Variants in EYS observed in about 807,000 individuals in gnomAD.
The protein encoded by EYS is protein eyes shut homolog.
EYS carries 250 observed loss-of-function variants against 282.1 expected under a neutral mutation model. The ratio of observed to expected loss-of-function variants is 0.89; its 90% CI spans 0.80 to 0.98. EYS has a LOEUF of 0.98. Among genes scored for constraint, EYS ranks in the 50% least tolerant of loss-of-function variants. The pLI, the probability that EYS is intolerant of heterozygous loss-of-function variation, is 0.00. For missense variants in EYS, 4,016 were observed against 3,709.0 expected, an observed-to-expected ratio of 1.08 and a Z score of -2.15; for synonymous variants, 1,355 against 1,282.9, an observed-to-expected ratio of 1.06 and a Z score of -1.20.
chr6:65,502,113 T>G (rs1766474477), intron 2 of EYS, among the ~76,000 whole-genome samples: 1 of 151,774 alleles, frequency 6.6e-6, no homozygotes, highest in African/African-American at 2.4e-5. Context: ...GACCTGTCAT[T>G]GAAATTAAGA....
chr6:64,385,074 GC>G (rs1173616069), intron 29 of EYS, among the ~76,000 whole-genome samples: 1 of 152,158 alleles, frequency 6.6e-6, no homozygotes, highest in African/African-American at 2.4e-5. Context: ...AGCACTAACA[GC>G]CTACTGTGCT....
intron 5 of EYS, among the ~76,000 whole-genome samples, chr6:65,426,190 G>T (rs1341004985): frequency 6.6e-6 from 1 of 151,914 alleles, no homozygotes; most frequent in African/African-American, 2.4e-5. Context: ...CGTTGCTTAG[G>T]CTGGTTTCAA....
At chr6:65,666,347 C>A (rs1768200189) in intron 1 of EYS, among the ~76,000 whole-genome samples, 1 of 151,718 alleles carries the variant, frequency 6.6e-6, no homozygotes, top group African/African-American at 2.4e-5. Context: ...GACTTTGGAG[C>A]CAGAATAATC....
In EYS at chr6:64,147,683, C is replaced by G. The variant is rs529516727; in HGVS notation, c.6425-65681G>C. ...CCACTTTACCAGTCATGTGACTGATCTTGGCAATAAAATGTGGGCTGCAAT... is the reference window on the plus strand; with the variant it reads ...CCACTTTACCAGTCATGTGACTGATGTTGGCAATAAAATGTGGGCTGCAAT... On this transcript the variant is annotated intron_variant, in intron 31 of 42. Coordinates refer to ENST00000503581, the MANE Select transcript of EYS (RefSeq NM_001142800.2). Among the ~76,000 whole-genome samples, 122 of 152,276 alleles carry G rather than the reference C, an allele frequency of 8.0e-4. 1 individual carries two copies. In the South Asian group the frequency reaches 0.025, roughly 31 times the overall value.
intron 5 of EYS, among the ~76,000 whole-genome samples, chr6:65,443,284 A>G (rs1195449773): frequency 1.4e-5 from 2 of 147,986 alleles, no homozygotes; most frequent in Admixed American, 6.9e-5. Flanking sequence ...ACATGTATGC[A>G]TGCATATATG....
chr6:64,443,356 A>G (rs1775012216), intron 26 of EYS, among the ~76,000 whole-genome samples: 1 of 152,142 alleles, frequency 6.6e-6, no homozygotes, highest in African/African-American at 2.4e-5. Flanking sequence ...ACAGGCTCAT[A>G]GTGGGGAGGG....
chr6:64,456,037 G>A (rs971768111), intron 26 of EYS, among the ~76,000 whole-genome samples: 3 of 152,070 alleles, frequency 2.0e-5, no homozygotes, highest in African/African-American at 7.2e-5. Context: ...TTGCATCTAT[G>A]TTGATGATTG....
rs563711161 is a variant in EYS, at chr6:65,036,695, C to A, written c.2137+20919G>T. Reference sequence around the variant, plus strand: ...TTGTCAGAAGGTGACATACACATGACTAAATCTATAAAAAAAAGTTCATCA... The same window carrying A: ...TTGTCAGAAGGTGACATACACATGAATAAATCTATAAAAAAAAGTTCATCA... On this transcript the variant is annotated intron_variant, in intron 13 of 42. Transcript: ENST00000503581. Among the ~76,000 whole-genome samples, 4 of 151,130 alleles carry A rather than the reference C, an allele frequency of 2.6e-5. No homozygotes were observed. In the South Asian group the frequency reaches 8.3e-4, roughly 31 times the overall value.
chr6:64,427,370 G>T (rs981167329), intron 28 of EYS, among the ~76,000 whole-genome samples: 6 of 152,080 alleles, frequency 3.9e-5, no homozygotes, highest in African/African-American at 1.4e-4. Flanking sequence ...CTTGGGGAGA[G>T]ACTGATGTAT....
intron 30 of EYS, among the ~76,000 whole-genome samples, chr6:64,243,174 A>T (rs1173636652): frequency 1.8e-4 from 27 of 151,808 alleles, no homozygotes; most frequent in Non-Finnish European, 4.4e-5. Flanking sequence ...CCTCCTCCAA[A>T]CCCAATACAC....
chr6:64,182,551 T>A (rs1387348192), intron 31 of EYS, among the ~76,000 whole-genome samples: 2 of 151,972 alleles, frequency 1.3e-5, no homozygotes, highest in Non-Finnish European at 2.9e-5. Context: ...CATATAAACA[T>A]ATCGTTATTT....
chr6:63,982,307 T>C (rs1453690256), intron 35 of EYS, among the ~76,000 whole-genome samples: 1 of 151,820 alleles, frequency 6.6e-6, no homozygotes, highest in Non-Finnish European at 1.5e-5. Context: ...AGTTTGGGCA[T>C]GGATTCACTG....
chr6:64,390,257 T>C (rs1313592840), intron 28 of EYS, among the ~76,000 whole-genome samples: 2 of 152,158 alleles, frequency 1.3e-5, no homozygotes, highest in East Asian at 3.9e-4. Flanking sequence ...AAGCTCCAAC[T>C]GGGTGGAGCC....
At chr6:65,549,170 C>T (rs1030963054) in intron 2 of EYS, among the ~76,000 whole-genome samples, 1 of 152,286 alleles carries the variant, frequency 6.6e-6, no homozygotes, top group South Asian at 2.1e-4. Context: ...TGGTCCCTGG[C>T]CCAGGGGCTG....
At chr6:64,926,855 C>T (rs946287027) in intron 15 of EYS, among the ~76,000 whole-genome samples, 13 of 152,082 alleles carry the variant, frequency 8.5e-5, no homozygotes, top group Admixed American at 6.6e-5. Flanking sequence ...GTAAAGAATT[C>T]CTATACCAAG....
At chr6:64,443,924 G>A (rs891524484) in intron 26 of EYS, among the ~76,000 whole-genome samples, 1 of 152,174 alleles carries the variant, frequency 6.6e-6, no homozygotes, top group Non-Finnish European at 1.5e-5. Flanking sequence ...ATTTCTGGGG[G>A]ATGCTCAAGA....
In EYS at chr6:63,946,725, TA is replaced by T. The variant is rs1442280658; in HGVS notation, c.7055+37657del. Among the ~76,000 whole-genome samples the T allele has an allele frequency of 2.8e-3, 367 of 129,484 alleles. 4 individuals carry two copies. Among genetic ancestry groups the T allele is most frequent in the Admixed American group, 0.025 (298 of 12,156 alleles). The allele number at this position is 129,484 out of a possible 152,430, so 84.9% of individuals were successfully genotyped here. On this transcript the variant is annotated intron_variant, in intron 35 of 42. Coordinates refer to ENST00000503581, the MANE Select transcript of EYS (RefSeq NM_001142800.2). ...CTGAATATAGTCTGGTTTTATGAACTATTTTTTTTTTTTTTTTTTGGCTACA... is the reference window on the plus strand; with the variant it reads ...CTGAATATAGTCTGGTTTTATGAACTTTTTTTTTTTTTTTTTTTGGCTACA...
intron 16 of EYS, among the ~76,000 whole-genome samples, chr6:64,904,825 G>A (rs980976016): frequency 2.0e-5 from 3 of 152,052 alleles, no homozygotes; most frequent in Non-Finnish European, 2.9e-5. Context: ...CTGTGATTTT[G>A]TCATATTTAT....
intron 30 of EYS, among the ~76,000 whole-genome samples, chr6:64,243,703 G>C (rs1766912574): frequency 6.6e-6 from 1 of 152,136 alleles, no homozygotes; most frequent in African/African-American, 2.4e-5. Context: ...TACAAATCAT[G>C]TTATAAAAAT....
Sources: gnomAD v4.1 joint callset for allele counts (sites outside exome capture counted in the v4.1 genomes callset) on GRCh38, gnomAD v4.1.1 for gene constraint, MANE v1.5 for transcripts, NCBI Gene and HGNC (gene_info 2026-07-23, HGNC 2026-07-21) for gene names.